EXOC1L: variants seen among roughly 807,000 people sequenced by gnomAD.
The protein encoded by EXOC1L is exocyst complex component 1-like.
Under a neutral mutation model 4.9 loss-of-function variants are expected in EXOC1L, and 10 were observed. The ratio of observed to expected loss-of-function variants is 2.02; its 90% CI spans 1.25 to 3.43. EXOC1L has a LOEUF of 3.43. Ranked by LOEUF, EXOC1L falls within the 30% of genes most tolerant of loss-of-function variation. The pLI is 0.00. For synonymous variants in EXOC1L, 41 were observed against 20.8 expected, an observed-to-expected ratio of 1.97 and a Z score of -2.63; for missense variants, 114 against 59.4, an observed-to-expected ratio of 1.92 and a Z score of -3.02.
chr4:55,834,766 A>G (rs1720117955), intron 2 of EXOC1L, among the ~76,000 whole-genome samples: 1 of 151,960 alleles, frequency 6.6e-6, no homozygotes, highest in African/African-American at 2.4e-5. Context: ...CTGCGCTTAA[A>G]AACCACACCA....
At chr4:55,833,188 G>A (rs1211861905) in intron 2 of EXOC1L, among the ~76,000 whole-genome samples, 1 of 151,676 alleles carries the variant, frequency 6.6e-6, no homozygotes, top group East Asian at 1.9e-4. Context: ...TTATATGATA[G>A]AATATTATAC....
At chr4:55,834,060 T>A (rs985234848) in intron 2 of EXOC1L, among the ~76,000 whole-genome samples, 1 of 151,964 alleles carries the variant, frequency 6.6e-6, no homozygotes, top group Non-Finnish European at 1.5e-5. Context: ...TTATTACATT[T>A]TTTACATTTA....
chr4:55,833,378 G>A (rs998971554), intron 2 of EXOC1L, among the ~76,000 whole-genome samples: 1 of 151,752 alleles, frequency 6.6e-6, no homozygotes, highest in Non-Finnish European at 1.5e-5. Flanking sequence ...AAATATGTCA[G>A]TATATGTATA....
intron 1 of EXOC1L, among the ~76,000 whole-genome samples, chr4:55,826,913 G>A (rs538705025): frequency 3.9e-5 from 6 of 152,268 alleles, no homozygotes; most frequent in Admixed American, 6.5e-5. Flanking sequence ...GTGTTAATGG[G>A]ACAGTGACCA....
intron 1 of EXOC1L, among the ~76,000 whole-genome samples, chr4:55,823,761 T>G (rs1719806079): frequency 6.6e-6 from 1 of 152,134 alleles, no homozygotes; most frequent in Non-Finnish European, 1.5e-5. Context: ...CAGGCTGGAG[T>G]GCAGTGTCAC....
chr4:55,831,336 AC>A lies in EXOC1L; in HGVS notation c.126del (p.Lys44ArgfsTer4). 1 of 648,672 alleles carries A rather than the reference AC, an allele frequency of 1.5e-6. No individual in the cohort carries two copies. The allele number at this position is 648,672 out of a possible 1,614,324, so 40.2% of individuals were successfully genotyped here. A position where few individuals can be genotyped will look rare whatever the true frequency, so the allele number is the denominator to read the frequency against. ...CTAAGTATTTTTCTGTCCTACAGTG[AC>A]CAAAAAGGAAGAAGTAAAAATAGTC... ...QDRYYLCVSV[T>X]KKEEVKIVMV... On this transcript the variant is annotated frameshift_variant, in exon 2 of 3. Transcript: ENST00000636125. LOFTEE classifies it high-confidence loss of function.
chr4:55,820,532 G>C (rs1022963570), intron 1 of EXOC1L, among the ~76,000 whole-genome samples: 1 of 152,126 alleles, frequency 6.6e-6, no homozygotes, highest in African/African-American at 2.4e-5. Flanking sequence ...TTGGAGAATT[G>C]AGTTATACAG....
chr4:55,831,429 G>A lies in EXOC1L; in HGVS notation c.217G>A (p.Asp73Asn), dbSNP rs907919858. 24 of 696,186 alleles carry A rather than the reference G, an allele frequency of 3.4e-5. No individual in the cohort carries two copies. The African/African-American group carries it at 3.9e-4, about 11-fold the overall frequency. The allele number at this position is 696,186 out of a possible 1,614,324, so 43.1% of individuals were successfully genotyped here. Residue 73 changes from aspartate (D) to asparagine (N), a missense_variant, in exon 2 of 3, where the codon GAT (aspartate) becomes AAT (asparagine). By Grantham distance (23) the Asp-to-Asn change is conservative (BLOSUM62 1). Coordinates refer to ENST00000636125, the MANE Select transcript of EXOC1L (RefSeq NM_001351574.3). ...AGTAACAAAAAAGTGGTCTTTGAAC[G>A]ATCTGCAGATGATTGATGGAAAAGA... ...YEVTKKWSLN[D>N]LQMIDGKEAD...
At chr4:55,821,748 G>C (rs527745394) in intron 1 of EXOC1L, among the ~76,000 whole-genome samples, 1 of 152,274 alleles carries the variant, frequency 6.6e-6, no homozygotes, top group Admixed American at 6.5e-5. Context: ...AGATGAGGAA[G>C]AGAAGACAAT....
intron 2 of EXOC1L, among the ~76,000 whole-genome samples, chr4:55,832,262 G>C (rs1453929896): frequency 6.6e-6 from 1 of 152,078 alleles, no homozygotes; most frequent in South Asian, 2.1e-4. Context: ...ATCATAGGCT[G>C]ATAGATGATA....
chr4:55,824,003 G>A (rs1329674455), intron 1 of EXOC1L, among the ~76,000 whole-genome samples: 2 of 151,892 alleles, frequency 1.3e-5, no homozygotes, highest in African/African-American at 2.4e-5. Flanking sequence ...AAAAAATAAT[G>A]AAAAGAAGAA....
chr4:55,830,097 T>G (rs1027434310), intron 1 of EXOC1L, among the ~76,000 whole-genome samples: 6 of 152,236 alleles, frequency 3.9e-5, no homozygotes, highest in African/African-American at 1.4e-4. Context: ...ATTTCATTTG[T>G]AATTCCTGCC....
At chr4:55,835,775 A>G (rs73151571) in intron 2 of EXOC1L, among the ~76,000 whole-genome samples, 2 of 151,782 alleles carry the variant, frequency 1.3e-5, no homozygotes, top group Admixed American at 6.6e-5. Flanking sequence ...GGATGTATAC[A>G]TTGCAAAGAT....
chr4:55,825,400 T>A (rs1211493063), intron 1 of EXOC1L, among the ~76,000 whole-genome samples: 4 of 152,210 alleles, frequency 2.6e-5, no homozygotes, highest in African/African-American at 9.7e-5. Flanking sequence ...ATTTGCCACA[T>A]CTAGGCATGA....
chr4:55,824,424 C>T (rs1420598224), intron 1 of EXOC1L, among the ~76,000 whole-genome samples: 1 of 151,866 alleles, frequency 6.6e-6, no homozygotes, highest in South Asian at 2.1e-4. Flanking sequence ...GTGCAGTGGC[C>T]TGATCTTGGC....
At position 55,831,447 on chromosome 4, in the gene EXOC1L, G is replaced by A; in HGVS notation, c.235G>A (p.Gly79Arg). 1 of 692,944 alleles carries A rather than the reference G, an allele frequency of 1.4e-6. No individual in the cohort carries two copies. The highest frequency in any genetic ancestry group is 1.5e-5 in the South Asian group (1 of 65,326). The allele number at this position is 692,944 out of a possible 1,614,324, so 42.9% of individuals were successfully genotyped here. A position where few individuals can be genotyped will look rare whatever the true frequency, so the allele number is the denominator to read the frequency against. Residue 79 changes from glycine (G) to arginine (R), a missense_variant, in exon 2 of 3, where the codon GGA (glycine) becomes AGA (arginine). Gly to Arg is a moderately radical substitution (Grantham distance 125). Coordinates refer to ENST00000636125, the MANE Select transcript of EXOC1L (RefSeq NM_001351574.3). ...WSLNDLQMID[G>R]KEADTDNPFF... ...TTTGAACGATCTGCAGATGATTGAT[G>A]GAAAAGAAGCAGATACTGTAAGTGT...
Position 55,835,122 on chromosome 4 carries a change from T to G in EXOC1L, c.253-1963T>G, listed in dbSNP as rs181460374. Among the ~76,000 whole-genome samples the G allele has an allele frequency of 3.2e-3, 484 of 151,952 alleles. 2 individuals carry two copies. Among genetic ancestry groups the G allele is most frequent in the African/African-American group, 0.011 (463 of 41,552 alleles). On this transcript the variant is annotated intron_variant, in intron 2 of 2. Transcript: ENST00000636125. ...AGTTACTTCTCTTAGAATAATGGTC[T>G]CCAATTCCATCCAGGTTGCTGTAAA...
intron 1 of EXOC1L, among the ~76,000 whole-genome samples, chr4:55,823,182 ATTG>A (rs1186158382): frequency 6.6e-6 from 1 of 152,098 alleles, no homozygotes; most frequent in African/African-American, 2.4e-5. Flanking sequence ...CTCTATACAT[ATTG>A]TTTTTTTAAG....
At chr4:55,835,344 C>T (rs568478016) in intron 2 of EXOC1L, among the ~76,000 whole-genome samples, 36 of 151,756 alleles carry the variant, frequency 2.4e-4, no homozygotes, top group East Asian at 7.7e-4. Context: ...TTTAATATAA[C>T]GACTTCTTTC....
Sources: gnomAD v4.1 joint callset for allele counts (sites outside exome capture counted in the v4.1 genomes callset) on GRCh38, gnomAD v4.1.1 for gene constraint, MANE v1.5 for transcripts, NCBI Gene and HGNC (gene_info 2026-07-23, HGNC 2026-07-21) for gene names.